Variants in VPS54 observed in about 807,000 individuals in gnomAD.
The protein encoded by VPS54 is VPS54 subunit of GARP complex, also known as vacuolar protein sorting-associated protein 54.
Under a neutral mutation model 121.5 loss-of-function variants are expected in VPS54, and 45 were observed. The ratio of observed to expected loss-of-function variants is 0.37; its 90% CI spans 0.29 to 0.47. VPS54 has a LOEUF of 0.47. VPS54 is among the 20% of genes least tolerant of loss of function. The pLI, the probability that VPS54 is intolerant of heterozygous loss-of-function variation, is 0.99. For missense variants in VPS54, 1,090 were observed against 1,131.4 expected (o/e 0.96, Z 0.52); for synonymous variants, 371 against 385.8 (o/e 0.96, Z 0.45).
At chr2:63,989,166 CCT>C (rs1677197214) in intron 1 of VPS54, among the ~76,000 whole-genome samples, 2 of 152,112 alleles carry the variant, frequency 1.3e-5, no homozygotes, top group African/African-American at 4.8e-5. Flanking sequence ...TCTCTCAAAC[CCT>C]GTTTCCTGAT....
intron 3 of VPS54, among the ~76,000 whole-genome samples, chr2:63,979,224 C>G (rs1676689200): frequency 6.8e-6 from 1 of 147,862 alleles, no homozygotes; most frequent in Non-Finnish European, 1.5e-5. Flanking sequence ...GATGTTTATT[C>G]TTTCTTTTTT....
intron 15 of VPS54, among the ~76,000 whole-genome samples, chr2:63,917,249 T>C (rs1488674241): frequency 6.6e-6 from 1 of 152,052 alleles, no homozygotes; most frequent in Non-Finnish European, 1.5e-5. Flanking sequence ...AACAACAATA[T>C]CTTTCAGGGT....
At chr2:63,995,819 C>G (rs1204909125) in intron 1 of VPS54, among the ~76,000 whole-genome samples, 2 of 152,206 alleles carry the variant, frequency 1.3e-5, no homozygotes, top group African/African-American at 4.8e-5. Flanking sequence ...AGGACACCTT[C>G]TGGGTAGGGA....
intron 3 of VPS54, among the ~76,000 whole-genome samples, chr2:63,978,460 AC>A (rs1288726290): frequency 6.6e-6 from 1 of 152,156 alleles, no homozygotes; most frequent in Non-Finnish European, 1.5e-5. Flanking sequence ...CTACATCTTT[AC>A]CAAAATTTGA....
chr2:63,979,930 T>A (rs1249475307), intron 3 of VPS54, among the ~76,000 whole-genome samples: 1 of 152,148 alleles, frequency 6.6e-6, no homozygotes, highest in African/African-American at 2.4e-5. Flanking sequence ...TCATGAACAC[T>A]TGAAAAAAAA....
At chr2:63,990,126 T>C (rs1468421363) in intron 1 of VPS54, among the ~76,000 whole-genome samples, 2 of 152,308 alleles carry the variant, frequency 1.3e-5, no homozygotes, top group East Asian at 3.9e-4. Context: ...ATTTTCTGAA[T>C]GTGAGGACCC....
chr2:63,940,485 G>T (rs999985760), intron 11 of VPS54, among the ~76,000 whole-genome samples: 1 of 152,052 alleles, frequency 6.6e-6, no homozygotes, highest in Non-Finnish European at 1.5e-5. Flanking sequence ...TCCACATAGT[G>T]GAATAACTAC....
Position 63,920,713 on chromosome 2 carries a change from T to C in VPS54, c.1870-86A>G, listed in dbSNP as rs956015288. On this transcript the variant is annotated intron_variant, in intron 13 of 22. Coordinates refer to ENST00000272322, the MANE Select transcript of VPS54 (RefSeq NM_016516.3). ...AGTTAGTTTAACGATTATTATAATC[T>C]ATATATTTTTTATTTTAATAATATT... 11 of 730,852 alleles carry C rather than the reference T, an allele frequency of 1.5e-5. No homozygotes were observed. In the South Asian group the frequency reaches 6.2e-4, roughly 41 times the overall value. The allele number at this position is 730,852 out of a possible 1,614,324, so 45.3% of individuals were successfully genotyped here.
chr2:63,962,329 T>C lies in VPS54; in HGVS notation c.739A>G (p.Lys247Glu). The change falls in exon 7 of 23, where the codon AAA becomes GAA. Residue 247 changes from lysine to glutamate, a missense_variant. Coordinates refer to ENST00000272322, the MANE Select transcript of VPS54 (RefSeq NM_016516.3). ...SQHELQDYLR[K>E]TSQAVKMLRD... ...AGCATTTTTACAGCCTGGGAAGTTT[T>C]CCTGAGGTAGTCCTGCAACTCGTGT... is the stretch of plus-strand genomic sequence containing the variant. 6.2e-7 allele frequency: 1 copy of C among 1,614,050 alleles called. No homozygotes were observed. The highest frequency in any genetic ancestry group is 8.5e-7 in the Non-Finnish European group (1 of 1,179,916).
chr2:63,947,299 A>C, intron 9 of VPS54, 84 bp downstream of exon 9: 1 of 1,250,432 alleles, frequency 8.0e-7, no homozygotes, highest in Middle Eastern at 2.8e-4. Flanking sequence ...CTATTACACT[A>C]TATATATTAT....
rs1166887504 is a variant in VPS54, at chr2:63,892,401, TA to T, written c.*1028del. ...ATTCTAATTTTGAAGGTAGGTATTA[TA>T]AAAGTCTTTACTTGTCACCTTATTT... is the stretch of plus-strand genomic sequence containing the variant. On this transcript the variant is annotated 3_prime_UTR_variant, in exon 23 of 23. Transcript: ENST00000272322. 5 of 152,244 alleles carry T rather than the reference TA, an allele frequency of 3.3e-5. No homozygotes were observed. Among genetic ancestry groups the T allele is most frequent in the Admixed American group, 3.3e-4 (5 of 15,276 alleles). 9.4% of individuals were successfully genotyped at this position (152,244 alleles called of 1,614,324 possible). A position where few individuals can be genotyped will look rare whatever the true frequency, so the allele number is the denominator to read the frequency against.
Position 63,933,683 on chromosome 2 carries a change from C to T in VPS54, c.1729G>A (p.Val577Met). 1 of 1,611,750 alleles carries T rather than the reference C, an allele frequency of 6.2e-7. No individual in the cohort carries two copies. Among genetic ancestry groups the T allele is most frequent in the Non-Finnish European group, 8.5e-7 (1 of 1,179,222 alleles). ...AGCCACTATACTCACATAATATCCA[C>T]ACCTCCTGGAATAGCAGATGATGAT... is the stretch of plus-strand genomic sequence containing the variant. ...HTSSSAIPGG[V>M]DIMVSEDMKL... is the part of the protein sequence containing the mutation. Residue 577 changes from valine to methionine, a missense_variant, in exon 12 of 23, where the codon GTG (valine) becomes ATG (methionine). Val to Met is a conservative substitution (Grantham distance 21, BLOSUM62 1). This residue lies in a region of VPS54 where 801 missense variants were observed against 757.0 expected (regional missense o/e 1.06). Transcript: ENST00000272322.
At chr2:64,003,838 C>T (rs1258177432) in intron 1 of VPS54, among the ~76,000 whole-genome samples, 1 of 152,162 alleles carries the variant, frequency 6.6e-6, no homozygotes, top group African/African-American at 2.4e-5. Context: ...ATTGCCTCCC[C>T]CAACCCCAAC....
intron 11 of VPS54, among the ~76,000 whole-genome samples, chr2:63,937,234 T>A (rs1674495651): frequency 6.6e-6 from 1 of 152,126 alleles, no homozygotes; most frequent in Non-Finnish European, 1.5e-5. Context: ...GGAGAAAATA[T>A]TTGTAAATCA....
intron 2 of VPS54, 142 bp from the exon 3 acceptor site, chr2:63,982,029 T>C (rs1676823442): frequency 1.1e-6 from 1 of 913,618 alleles, no homozygotes; most frequent in Non-Finnish European, 1.5e-6. Context: ...TTAATAAAAA[T>C]CAATCTGATT....
chr2:63,994,324 T>C (rs35480874), intron 1 of VPS54, among the ~76,000 whole-genome samples: 23,099 of 152,212 alleles, frequency 0.15, 2,020 homozygotes, highest in Middle Eastern at 0.22. Context: ...CCCCTCCTTA[T>C]ACTTTCTGTC....
chr2:63,971,287 A>G (rs1676275067), intron 4 of VPS54, among the ~76,000 whole-genome samples: 1 of 152,222 alleles, frequency 6.6e-6, no homozygotes, highest in African/African-American at 2.4e-5. Flanking sequence ...TAGTCTAATC[A>G]TCATCCCATA....
At chr2:63,978,425 C>A (rs148879326) in intron 3 of VPS54, among the ~76,000 whole-genome samples, 2 of 152,274 alleles carry the variant, frequency 1.3e-5, no homozygotes, top group African/African-American at 4.8e-5. Context: ...CCTGCCTCAC[C>A]TTATCCTAGA....
intron 17 of VPS54, 38 bp from the exon 18 acceptor site, chr2:63,913,348 A>G (rs1673235995): frequency 6.6e-7 from 1 of 1,508,408 alleles, no homozygotes; most frequent in South Asian, 1.2e-5. Context: ...AAAATTTACT[A>G]AAAACTGTTC....
Sources: allele counts gnomAD v4.1 joint callset (sites outside exome capture counted in the v4.1 genomes callset), GRCh38; gene constraint gnomAD v4.1.1; regional missense constraint gnomAD v4.1.1; transcripts MANE v1.5; gene names NCBI Gene and HGNC (gene_info 2026-07-23, HGNC 2026-07-21).